G3BP2: variants seen among roughly 807,000 people sequenced by gnomAD.
G3BP2 encodes the protein ras GTPase-activating protein-binding protein 2.
A neutral mutation model predicts 56.7 loss-of-function variants in G3BP2; 11 were observed. That is an observed-to-expected ratio of 0.19 (90% CI 0.12 to 0.32). G3BP2 has a LOEUF of 0.32. Ranked by LOEUF, G3BP2 falls within the 10% of genes least tolerant of loss-of-function variation. The probability of loss-of-function intolerance (pLI) is 1.00; values close to 1 mark genes in which losing one functional copy is unlikely to be tolerated. For synonymous variants in G3BP2, 165 were observed against 191.6 expected, an observed-to-expected ratio of 0.86 and a Z score of 1.15; for missense variants, 340 against 610.9, an observed-to-expected ratio of 0.56 and a Z score of 4.67.
chr4:75,676,069 C>G (rs886825745), upstream of G3BP2, among the ~76,000 whole-genome samples: 1 of 152,160 alleles, frequency 6.6e-6, no homozygotes, highest in Admixed American at 6.5e-5. Context: ...AAGTAAATAT[C>G]TCTAACCTAT....
chr4:75,704,539 G>A (rs923852253), intron 3 of G3BP2, among the ~76,000 whole-genome samples: 2 of 151,638 alleles, frequency 1.3e-5, no homozygotes, highest in Non-Finnish European at 1.5e-5. Flanking sequence ...GGATGGTCTC[G>A]AACTCCTAGG....
At chr4:75,656,776 C>T (rs779475141) in intron 5 of G3BP2, 148 bp downstream of exon 5, 38 of 600,572 alleles carry the variant, frequency 6.3e-5, no homozygotes, top group Middle Eastern at 3.5e-4. Flanking sequence ...TTTGTAACAA[C>T]GACAACAACA....
At chr4:75,685,143 T>C (rs1291559134) in intron 3 of G3BP2, among the ~76,000 whole-genome samples, 1 of 151,684 alleles carries the variant, frequency 6.6e-6, no homozygotes, top group Non-Finnish European at 1.5e-5. Flanking sequence ...CCTATTAATC[T>C]ATACATATTT....
intron 1 of G3BP2, among the ~76,000 whole-genome samples, chr4:75,671,987 A>G (rs984830706): frequency 6.6e-6 from 1 of 152,232 alleles, no homozygotes; most frequent in Non-Finnish European, 1.5e-5. Context: ...GGGCTCTCTT[A>G]ACGACAGTTA....
chr4:75,674,718 A>ATATATATATTTT (rs1241041465), upstream of G3BP2, among the ~76,000 whole-genome samples: 2 of 71,432 alleles, frequency 2.8e-5, no homozygotes, highest in African/African-American at 1.2e-4. Flanking sequence ...ATATATATAT[A>ATATATATATTTT]TTTTTTTTTT....
chr4:75,701,586 G>A (rs1719346766), intron 3 of G3BP2, among the ~76,000 whole-genome samples: 6 of 152,040 alleles, frequency 3.9e-5, no homozygotes, highest in South Asian at 2.1e-4. Flanking sequence ...GCACCACCAT[G>A]CCCGGCTAAT....
intron 3 of G3BP2, among the ~76,000 whole-genome samples, chr4:75,687,583 C>T (rs377137834): frequency 7.9e-5 from 12 of 152,160 alleles, no homozygotes; most frequent in Non-Finnish European, 2.9e-5. Context: ...GTAAAACTGA[C>T]GAATGATTTG....
rs1362065452 is a variant in G3BP2, at chr4:75,697,301, AG to A, written c.-25+23575del. Among the ~76,000 whole-genome samples the A allele has an allele frequency of 3.6e-3, 167 of 47,038 alleles. 29 individuals are homozygous for A. Among genetic ancestry groups the A allele is most frequent in the African/African-American group, 0.016 (139 of 8,472 alleles). 30.9% of individuals were successfully genotyped at this position (47,038 alleles called of 152,430 possible). On this transcript the variant is annotated intron_variant, in intron 3 of 3. Coordinates refer to the G3BP2 transcript ENST00000499709. ...AAAAAAAAAAAAAAAAAAAAAAAAA[AG>A]ATCATGAAATTGAGGTGTTTTGTTG...
At chr4:75,677,338 C>A (rs750859673), upstream of G3BP2, among the ~76,000 whole-genome samples, 14 of 151,666 alleles carry the variant, frequency 9.2e-5, no homozygotes, top group Non-Finnish European at 1.9e-4. Context: ...TTTGGGAGGC[C>A]CAGGTGGGTG....
Position 75,645,090 on chromosome 4 carries a change from C to T in G3BP2, c.*340G>A, listed in dbSNP as rs950337461. 7.8e-6 allele frequency: 2 copies of T among 256,830 alleles called. No individual in the cohort carries two copies. Among genetic ancestry groups the T allele is most frequent in the African/African-American group, 4.5e-5 (2 of 44,056 alleles). 15.9% of individuals were successfully genotyped at this position (256,830 alleles called of 1,614,324 possible). The stretch of plus-strand genomic sequence containing the variant: ...GCATTAACAGGCAGAAACAGTAACA[C>T]TTAAACAAAATGTGCAGCAGAAGAT... On this transcript the variant is annotated 3_prime_UTR_variant, in exon 12 of 12. Coordinates refer to ENST00000359707, the MANE Select transcript of G3BP2 (RefSeq NM_203505.3).
At chr4:75,671,147 G>C (rs528202918) in intron 1 of G3BP2, among the ~76,000 whole-genome samples, 1 of 152,184 alleles carries the variant, frequency 6.6e-6, no homozygotes, top group African/African-American at 2.4e-5. Context: ...TATAAAACAA[G>C]TGTCTACCAG....
chr4:75,654,470 G>GA (rs772958113), intron 7 of G3BP2, among the ~76,000 whole-genome samples: 1 of 152,228 alleles, frequency 6.6e-6, no homozygotes, highest in Non-Finnish European at 1.5e-5. Flanking sequence ...TAGGAAAGAA[G>GA]AGAGTATTAG....
At chr4:75,709,419 CAAA>C (rs34603185) in intron 3 of G3BP2, among the ~76,000 whole-genome samples, 265 of 47,378 alleles carry the variant, frequency 5.6e-3, no homozygotes, top group African/African-American at 0.022. Flanking sequence ...GACTCCGTCT[CAAA>C]AAAAAAAAAA....
intron 8 of G3BP2, among the ~76,000 whole-genome samples, chr4:75,652,713 A>G (rs1189016499): frequency 6.6e-6 from 1 of 152,196 alleles, no homozygotes; most frequent in Non-Finnish European, 1.5e-5. Context: ...TACTATGTAC[A>G]TAAATGTCTG....
At chr4:75,675,178 A>T (rs778371130), upstream of G3BP2, among the ~76,000 whole-genome samples, 1 of 152,130 alleles carries the variant, frequency 6.6e-6, no homozygotes, top group Non-Finnish European at 1.5e-5. Context: ...CAAACTATAG[A>T]ATACTCCCAT....
At position 75,644,901 on chromosome 4, in the gene G3BP2, CCCTGTTGCCT is replaced by C. The variant is rs1731097864; in HGVS notation, c.*519_*528del. ...ACTGGAAAAGAAGATGAGATTTTTT[CCCTGTTGCCT>C]CCTGTTGCAGATGTCAATGTTAATG... On this transcript the variant is annotated 3_prime_UTR_variant, in exon 12 of 12. Coordinates refer to ENST00000359707, the MANE Select transcript of G3BP2 (RefSeq NM_203505.3). 1 of 152,982 alleles carries C rather than the reference CCCTGTTGCCT, an allele frequency of 6.5e-6. No individual in the cohort carries two copies. The highest frequency in any genetic ancestry group is 2.4e-5 in the African/African-American group (1 of 41,440). The allele number at this position is 152,982 out of a possible 1,614,324, so 9.5% of individuals were successfully genotyped here.
At chr4:75,659,002 G>A in intron 2 of G3BP2, 78 bp from the exon 3 acceptor site, 1 of 1,082,760 alleles carries the variant, frequency 9.2e-7, no homozygotes, top group Non-Finnish European at 1.4e-6. Flanking sequence ...TCATAGACTA[G>A]GTTCCGGATC....
At chr4:75,664,491 G>A (rs1001183377) in intron 1 of G3BP2, among the ~76,000 whole-genome samples, 13 of 152,060 alleles carry the variant, frequency 8.5e-5, no homozygotes, top group Non-Finnish European at 1.6e-4. Context: ...CAGGAGAATC[G>A]CTTGATCCCA....
intron 11 of G3BP2, among the ~76,000 whole-genome samples, chr4:75,645,914 G>C (rs1342583227): frequency 6.6e-6 from 1 of 152,042 alleles, no homozygotes; most frequent in Non-Finnish European, 1.5e-5. Context: ...GGGCTCAAGT[G>C]ATACTCCCAC....
Sources: gnomAD v4.1 joint callset for allele counts (sites outside exome capture counted in the v4.1 genomes callset) on GRCh38, gnomAD v4.1.1 for gene constraint, MANE v1.5 for transcripts, NCBI Gene and HGNC (gene_info 2026-07-23, HGNC 2026-07-21) for gene names.